TAB2: variants seen among roughly 807,000 people sequenced by gnomAD.
The protein encoded by TAB2 is TGF-beta-activated kinase 1 and MAP3K7-binding protein 2.
In TAB2, 3 loss-of-function variants were observed where a neutral mutation model predicts 65.0. The ratio of observed to expected loss-of-function variants is 0.05; its 90% CI spans 0.02 to 0.12. TAB2 has a LOEUF of 0.12. Ranked by LOEUF, TAB2 falls within the 10% of genes least tolerant of loss-of-function variation. TAB2 has a pLI of 1.00. For missense variants in TAB2, 623 were observed against 840.3 expected, an observed-to-expected ratio of 0.74 and a Z score of 3.20; for synonymous variants, 298 against 285.1, an observed-to-expected ratio of 1.05 and a Z score of -0.46.
intron 1 of TAB2, among the ~76,000 whole-genome samples, chr6:149,224,333 G>T (rs1191969239): frequency 1.3e-5 from 2 of 152,172 alleles, no homozygotes; most frequent in African/African-American, 2.4e-5. Flanking sequence ...TCCCTTTTTA[G>T]AAGAGGAGGA....
intron 3 of TAB2, among the ~76,000 whole-genome samples, chr6:149,385,910 C>A (rs1290163493): frequency 2.0e-5 from 3 of 152,174 alleles, no homozygotes; most frequent in Non-Finnish European, 4.4e-5. Flanking sequence ...AAATGTGTTT[C>A]TTTTCAACCT....
chr6:149,407,695 T>G (rs972035472), intron 6 of TAB2, among the ~76,000 whole-genome samples: 1 of 152,080 alleles, frequency 6.6e-6, no homozygotes, highest in Non-Finnish European at 1.5e-5. Context: ...CAGCTAAAAT[T>G]AAATGTGTTT....
rs186269057 is a variant in TAB2 at position 149,298,753 on chromosome 6, A to G, written c.-120-79265A>G. ...CTAACAAAGAATTAGAATGTGGAAG[A>G]TATTTTACAAAATCTAAGACACACA... On this transcript the variant is annotated intron_variant, in intron 1 of 1. Transcript: ENST00000606202. Among the ~76,000 whole-genome samples, 3 of 152,344 alleles carry G rather than the reference A, an allele frequency of 2.0e-5. No homozygotes were observed. In the East Asian group the frequency reaches 5.8e-4, roughly 29 times the overall value.
At chr6:149,333,360 T>G (rs1031636468) in intron 1 of TAB2, among the ~76,000 whole-genome samples, 5 of 152,310 alleles carry the variant, frequency 3.3e-5, no homozygotes, top group African/African-American at 1.2e-4. Flanking sequence ...TTTCTGCAAA[T>G]TCGTCTAAAC....
At position 149,274,538 on chromosome 6, in the gene TAB2, T is replaced by C. The variant is rs114780391; in HGVS notation, c.-121+55762T>C. Among the ~76,000 whole-genome samples the C allele has an allele frequency of 3.2e-3, 484 of 152,306 alleles. 1 individual carries two copies. The highest frequency in any genetic ancestry group is 0.011 in the African/African-American group (461 of 41,578). On this transcript the variant is annotated intron_variant, in intron 1 of 1. Coordinates refer to the TAB2 transcript ENST00000606202. ...TGTGATAATGGGATGCCTAAGAAGT[T>C]ACAGAGCCAAAAGCAGAAGCTTCCT... is the stretch of plus-strand genomic sequence containing the variant.
At chr6:149,275,217 G>A (rs186358945) in intron 1 of TAB2, among the ~76,000 whole-genome samples, 34 of 115,092 alleles carry the variant, frequency 3.0e-4, no homozygotes, top group East Asian at 2.3e-3. Context: ...CCTTGGGCGG[G>A]GGAGGGGGGA....
rs577491432 is a variant in TAB2 at position 149,405,919 on chromosome 6, A to T, written c.1940-3658A>T. Among the ~76,000 whole-genome samples the T allele has an allele frequency of 5.3e-5, 8 of 152,256 alleles. No homozygotes were observed. In the East Asian group the frequency reaches 1.5e-3, roughly 29 times the overall value. The stretch of plus-strand genomic sequence containing the variant: ...TCTCACCACGGTGGGGGGTGGGGAG[A>T]TAAGCTATGTGAGGTGTTGAATATG... On this transcript the variant is annotated intron_variant, in intron 6 of 6. Coordinates refer to ENST00000637181, the MANE Select transcript of TAB2 (RefSeq NM_001292034.3).
intron 1 of TAB2, among the ~76,000 whole-genome samples, chr6:149,309,185 G>T (rs9498316): frequency 6.6e-6 from 1 of 151,920 alleles, no homozygotes; most frequent in Non-Finnish European, 1.5e-5. Context: ...TGATATTTAA[G>T]TCATATACTT....
chr6:149,264,973 C>T (rs1158429718), intron 1 of TAB2, among the ~76,000 whole-genome samples: 1 of 152,164 alleles, frequency 6.6e-6, no homozygotes, highest in Non-Finnish European at 1.5e-5. Context: ...TGGTCCTATT[C>T]TGCTGTTTTT....
intron 1 of TAB2, among the ~76,000 whole-genome samples, chr6:149,302,026 G>A (rs1218750730): frequency 6.6e-6 from 1 of 152,088 alleles, no homozygotes; most frequent in African/African-American, 2.4e-5. Flanking sequence ...CACTTCGGCA[G>A]ATACAATGTC....
chr6:149,264,122 C>T (rs149343333), intron 1 of TAB2, among the ~76,000 whole-genome samples: 80 of 152,300 alleles, frequency 5.3e-4, no homozygotes, highest in East Asian at 2.5e-3. Flanking sequence ...GGGCAGGTAG[C>T]GCTGGTCTGA....
At chr6:149,392,813 T>TAG (rs1782035194) in intron 3 of TAB2, among the ~76,000 whole-genome samples, 1 of 152,208 alleles carries the variant, frequency 6.6e-6, no homozygotes, top group African/African-American at 2.4e-5. Context: ...GGAGGCTAAT[T>TAG]AGAGCAAAAG....
chr6:149,236,132 C>G (rs1325273527), intron 1 of TAB2, among the ~76,000 whole-genome samples: 1 of 152,168 alleles, frequency 6.6e-6, no homozygotes, highest in Non-Finnish European at 1.5e-5. Context: ...CTATTGGGGA[C>G]AGTGCTCACT....
chr6:149,328,044 ATTAGTTCATTACCTAATTGAAG>A (rs1396588325), intron 1 of TAB2, among the ~76,000 whole-genome samples: 1 of 152,192 alleles, frequency 6.6e-6, no homozygotes, highest in African/African-American at 2.4e-5. Context: ...GTTGAAGGTA[ATTAGTTCATTACCTAATTGAAG>A]TTAGTTCATT....
intron 1 of TAB2, chr6:149,244,798 C>A (rs12191351): frequency 0.27 from 41,374 of 151,680 alleles, 6,443 homozygotes; most frequent in Admixed American, 0.38. Flanking sequence ...GCAGGAGAAT[C>A]GCTTGAACCA....
At chr6:149,294,055 T>C (rs896033150) in intron 1 of TAB2, among the ~76,000 whole-genome samples, 1 of 152,250 alleles carries the variant, frequency 6.6e-6, no homozygotes, top group African/African-American at 2.4e-5. Flanking sequence ...ATCCAGTATC[T>C]GATTATATCT....
chr6:149,296,612 G>A (rs1415254051), intron 1 of TAB2, among the ~76,000 whole-genome samples: 2 of 152,192 alleles, frequency 1.3e-5, no homozygotes, highest in African/African-American at 4.8e-5. Flanking sequence ...TAACATTATT[G>A]TAAACAGAAA....
chr6:149,402,536 G>A (rs1263968888), intron 6 of TAB2, among the ~76,000 whole-genome samples: 2 of 149,430 alleles, frequency 1.3e-5, no homozygotes, highest in Non-Finnish European at 3.0e-5. Context: ...GGCTTCATGA[G>A]TGAATTCTGT....
rs756415484 is a variant in TAB2, at chr6:149,398,042, T to C, written c.1838T>C (p.Ile613Thr). Residue 613 changes from isoleucine (I) to threonine (T), a missense_variant, in exon 5 of 7, where the codon ATT becomes ACT. This residue lies in a region of TAB2 where 56 missense variants were observed against 130.3 expected (regional missense o/e 0.43). Transcript: ENST00000637181. ...QIDIDCLTKE[I>T]DLFQARGPHF... Reference sequence around the variant, plus strand: ...GACATTGACTGCTTAACCAAAGAAATTGATCTTTTTCAAGCCCGAGGTAAA... The same window carrying C: ...GACATTGACTGCTTAACCAAAGAAACTGATCTTTTTCAAGCCCGAGGTAAA... The C allele has an allele frequency of 6.2e-7, 1 of 1,613,790 alleles. No homozygotes were observed. The highest frequency in any genetic ancestry group is 8.5e-7 in the Non-Finnish European group (1 of 1,179,864).
Sources: allele counts gnomAD v4.1 joint callset (sites outside exome capture counted in the v4.1 genomes callset), GRCh38; gene constraint gnomAD v4.1.1; regional missense constraint gnomAD v4.1.1; transcripts MANE v1.5; gene names NCBI Gene and HGNC (gene_info 2026-07-23, HGNC 2026-07-21).